CKAP5: variants seen among roughly 807,000 people sequenced by gnomAD.
The protein encoded by CKAP5 is cytoskeleton associated protein 5.
In CKAP5, 27 loss-of-function variants were observed where a neutral mutation model predicts 232.8. The ratio of observed to expected loss-of-function variants is 0.12; its 90% CI spans 0.09 to 0.16. CKAP5 has a LOEUF of 0.16. CKAP5 is among the 10% of genes least tolerant of loss of function. CKAP5 has a pLI of 1.00. For synonymous variants in CKAP5, 785 were observed against 841.1 expected (o/e 0.93, Z 1.16); for missense variants, 1,838 against 2,424.7 (o/e 0.76, Z 5.08).
intron 1 of CKAP5, among the ~76,000 whole-genome samples, chr11:46,844,219 C>CT (rs1339608331): frequency 2.2e-5 from 3 of 139,268 alleles, no homozygotes; most frequent in African/African-American, 8.5e-5. Context: ...AAGACTCTGT[C>CT]TTAAAAAAAA....
intron 3 of CKAP5, among the ~76,000 whole-genome samples, chr11:46,816,784 CA>C (rs1449544196): frequency 1.7e-5 from 2 of 114,680 alleles, no homozygotes; most frequent in Non-Finnish European, 3.4e-5. Flanking sequence ...TGCTTGCTTT[CA>C]ATTTTTTTTT....
chr11:46,796,695 A>G, intron 12 of CKAP5, 117 bp downstream of exon 12: 4 of 1,196,942 alleles, frequency 3.3e-6, no homozygotes, highest in Non-Finnish European at 3.4e-6. Flanking sequence ...GCAATTTAAA[A>G]AAAATCAAGA....
intron 18 of CKAP5, among the ~76,000 whole-genome samples, chr11:46,782,132 CTCTCTG>C (rs1229289565): frequency 6.6e-6 from 1 of 152,066 alleles, no homozygotes; most frequent in Admixed American, 6.6e-5. Flanking sequence ...GCCTGCCTGC[CTCTCTG>C]TCTCTGTCTC....
intron 11 of CKAP5, 115 bp downstream of exon 11, chr11:46,797,690 T>G: frequency 9.4e-7 from 1 of 1,065,174 alleles, no homozygotes; most frequent in Non-Finnish European, 1.4e-6. Context: ...GCTCTGCTCC[T>G]CAAAAGATCA....
At chr11:46,810,795 T>C (rs1939257600) in intron 5 of CKAP5, among the ~76,000 whole-genome samples, 1 of 152,120 alleles carries the variant, frequency 6.6e-6, no homozygotes, top group African/African-American at 2.4e-5. Flanking sequence ...AAACCAATTG[T>C]AATAAAAAGC....
chr11:46,795,685 C>T lies in CKAP5; in HGVS notation c.1559G>A (p.Arg520Lys). ...DKKEFKPLPG[R>K]TAASGAAGDK... ...TCCTGCAGCCCCTGAAGCAGCAGTC[C>T]TTCCAGGCAGAGGTTTGAATTCCTT... Residue 520 changes from arginine (R) to lysine (K), a missense_variant, in exon 13 of 44, where the codon AGG (arginine) becomes AAG (lysine). Arg to Lys is a conservative substitution (Grantham distance 26, BLOSUM62 2). Around this residue, in one of 6 missense-constraint regions of CKAP5, gnomAD observed 767 missense variants for 954.6 expected, o/e 0.80. Transcript: ENST00000529230. The T allele has an allele frequency of 2.5e-6, 4 of 1,614,098 alleles. No homozygotes were observed. The highest frequency in any genetic ancestry group is 3.4e-6 in the Non-Finnish European group (4 of 1,179,980).
At position 46,747,035 on chromosome 11, in the gene CKAP5, G is replaced by A. The variant is rs563886522; in HGVS notation, c.5705-2458C>T. Among the ~76,000 whole-genome samples, 38 of 152,222 alleles carry A rather than the reference G, an allele frequency of 2.5e-4. No homozygotes were observed. The South Asian group carries it at 7.9e-3, about 32-fold the overall frequency. ...ACGCAACTGTCCAGCTACTCGGGAG[G>A]CCAAGGCAAAAGAATCACTTGAACC... On this transcript the variant is annotated intron_variant, in intron 42 of 43. Transcript: ENST00000529230.
In CKAP5 at chr11:46,832,151, C is replaced by T. The variant is rs565403432; in HGVS notation, c.-37-10883G>A. On this transcript the variant is annotated intron_variant, in intron 1 of 43. Coordinates refer to ENST00000529230, the MANE Select transcript of CKAP5 (RefSeq NM_001008938.4). ...CTGGGATTACAGGCATGAACCACTGCGCCTGGTCTTATAAAGAAAATTTTG... is the reference window on the plus strand; with the variant it reads ...CTGGGATTACAGGCATGAACCACTGTGCCTGGTCTTATAAAGAAAATTTTG... Among the ~76,000 whole-genome samples the T allele has an allele frequency of 1.4e-4, 21 of 152,130 alleles. No homozygotes were observed. In the East Asian group the frequency reaches 1.5e-3, roughly 11 times the overall value.
intron 26 of CKAP5, among the ~76,000 whole-genome samples, chr11:46,769,327 T>C (rs2065229025): frequency 6.6e-6 from 1 of 152,196 alleles, no homozygotes; most frequent in Non-Finnish European, 1.5e-5. Flanking sequence ...AATTATAGTA[T>C]CCAGGAGCAG....
intron 9 of CKAP5, among the ~76,000 whole-genome samples, chr11:46,799,724 T>G (rs1469617511): frequency 2.6e-5 from 4 of 152,074 alleles, no homozygotes; most frequent in Non-Finnish European, 5.9e-5. Flanking sequence ...TTAGGCCGGG[T>G]GTGGTGGCTC....
chr11:46,833,638 C>G (rs1307016006), intron 1 of CKAP5, among the ~76,000 whole-genome samples: 1 of 151,226 alleles, frequency 6.6e-6, no homozygotes, highest in Non-Finnish European at 1.5e-5. Context: ...GCCACCATGC[C>G]CGGCTAATTT....
intron 40 of CKAP5, among the ~76,000 whole-genome samples, 185 bp downstream of exon 40, chr11:46,750,933 C>G (rs2065059993): frequency 6.6e-6 from 1 of 152,196 alleles, no homozygotes; most frequent in Non-Finnish European, 1.5e-5. Flanking sequence ...CATGGTTATA[C>G]TTAGTTTAGA....
chr11:46,841,953 G>A (rs557361302), intron 1 of CKAP5, among the ~76,000 whole-genome samples: 2 of 144,192 alleles, frequency 1.4e-5, no homozygotes, highest in Non-Finnish European at 3.0e-5. Flanking sequence ...AGCCGAGATC[G>A]TGCCATTGCA....
At chr11:46,824,325 CA>C (rs1281543077) in intron 1 of CKAP5, among the ~76,000 whole-genome samples, 1 of 152,178 alleles carries the variant, frequency 6.6e-6, no homozygotes, top group Non-Finnish European at 1.5e-5. Flanking sequence ...TGCAGGAACT[CA>C]AATACACCAA....
intron 33 of CKAP5, 151 bp from the exon 34 acceptor site, chr11:46,759,593 A>G: frequency 1.4e-6 from 1 of 693,378 alleles, no homozygotes. Flanking sequence ...AGTCTAAGCA[A>G]GTGCCTTTAA....
intron 28 of CKAP5, 84 bp from the exon 29 acceptor site, chr11:46,763,714 AC>A (rs1406176137): frequency 5.9e-6 from 5 of 840,692 alleles, no homozygotes; most frequent in Non-Finnish European, 8.4e-6. Context: ...AGCTGCAGGA[AC>A]AATAAAATAT....
chr11:46,761,802 G>A (rs2065157111), intron 32 of CKAP5, among the ~76,000 whole-genome samples, 198 bp downstream of exon 32: 1 of 152,164 alleles, frequency 6.6e-6, no homozygotes, highest in Non-Finnish European at 1.5e-5. Context: ...GCTCAGAAAA[G>A]AAAACTTGAT....
In CKAP5 at chr11:46,753,499, T is replaced by C. The variant is rs781383858; in HGVS notation, c.4870-2A>G. 6.2e-7 allele frequency: 1 copy of C among 1,604,460 alleles called. No homozygotes were observed. The highest frequency in any genetic ancestry group is 1.1e-5 in the South Asian group (1 of 90,200). ...GGCAAGGCTCTCTATCTGAAACAGC[T>C]ATCCAGACATACTTGTGTCAGGGAG... is the stretch of plus-strand genomic sequence containing the variant. On this transcript the variant is annotated splice_acceptor_variant, in intron 36 of 43. Transcript: ENST00000529230. LOFTEE classifies it high-confidence loss of function.
chr11:46,834,459 C>A (rs1364815823), intron 1 of CKAP5, among the ~76,000 whole-genome samples: 3 of 140,638 alleles, frequency 2.1e-5, no homozygotes, highest in African/African-American at 5.4e-5. Flanking sequence ...GCGGTGGTTG[C>A]AGTGAGCTGA....
Sources: gnomAD v4.1 joint callset for allele counts (sites outside exome capture counted in the v4.1 genomes callset) on GRCh38, gnomAD v4.1.1 for gene constraint, gnomAD v4.1.1 regional missense constraint, MANE v1.5 for transcripts, NCBI Gene and HGNC (gene_info 2026-07-23, HGNC 2026-07-21) for gene names.